The following ANGPT1 variants were observed in gnomAD, a reference collection of about 807,000 sequenced individuals.
ANGPT1 encodes angiopoietin 1, also known as angiopoietin-1.
A neutral mutation model predicts 62.2 loss-of-function variants in ANGPT1; 17 were observed. The ratio of observed to expected loss-of-function variants is 0.27; its 90% CI spans 0.19 to 0.41. The LOEUF (loss-of-function observed/expected upper bound fraction) is 0.41, where lower values mean the gene tolerates loss of function less well. Among genes scored for constraint, ANGPT1 ranks in the 10% least tolerant of loss-of-function variants. The probability of loss-of-function intolerance (pLI) is 1.00; values close to 1 mark genes in which losing one functional copy is unlikely to be tolerated. For synonymous variants in ANGPT1, 199 were observed against 198.9 expected (o/e 1.00, Z 0.00); for missense variants, 478 against 594.9 (o/e 0.80, Z 2.04).
At chr8:107,347,445 T>C (rs1815830721) in intron 1 of ANGPT1, among the ~76,000 whole-genome samples, 1 of 152,130 alleles carries the variant, frequency 6.6e-6, no homozygotes, top group African/African-American at 2.4e-5. Flanking sequence ...AAAAATAGAA[T>C]CAGAGAGGCC....
intron 1 of ANGPT1, among the ~76,000 whole-genome samples, chr8:107,432,092 AGAATT>A (rs1811202627): frequency 6.6e-6 from 1 of 152,122 alleles, no homozygotes; most frequent in South Asian, 2.1e-4. Flanking sequence ...GTGTGACAAA[AGAATT>A]GATATTTGAG....
chr8:107,397,655 G>A (rs958089238), intron 1 of ANGPT1, among the ~76,000 whole-genome samples: 9 of 152,154 alleles, frequency 5.9e-5, no homozygotes, highest in African/African-American at 2.2e-4. Flanking sequence ...GGAGACCGGG[G>A]AAGGTGGTCA....
At chr8:107,342,228 C>G (rs1206316977) in intron 2 of ANGPT1, among the ~76,000 whole-genome samples, 1 of 152,210 alleles carries the variant, frequency 6.6e-6, no homozygotes, top group Non-Finnish European at 1.5e-5. Flanking sequence ...ATATTGCCCT[C>G]AGGCTTGGTG....
At chr8:107,416,547 C>A (rs1810751732) in intron 1 of ANGPT1, among the ~76,000 whole-genome samples, 1 of 152,132 alleles carries the variant, frequency 6.6e-6, no homozygotes, top group African/African-American at 2.4e-5. Flanking sequence ...GTTCTCCGTA[C>A]CCTGTCCTCT....
intron 7 of ANGPT1, among the ~76,000 whole-genome samples, chr8:107,272,697 T>C (rs1462839191): frequency 6.6e-6 from 1 of 151,104 alleles, no homozygotes; most frequent in Non-Finnish European, 1.5e-5. Context: ...CTTTCAATAG[T>C]GCTGACAGAG....
chr8:107,304,501 G>A (rs193028569), intron 4 of ANGPT1, among the ~76,000 whole-genome samples: 31 of 151,520 alleles, frequency 2.0e-4, no homozygotes, highest in African/African-American at 7.2e-4. Context: ...AAATAACAAA[G>A]GCAAACTATG....
intron 1 of ANGPT1, among the ~76,000 whole-genome samples, chr8:107,389,808 T>C (rs970416932): frequency 1.3e-5 from 2 of 152,046 alleles, no homozygotes; most frequent in Non-Finnish European, 2.9e-5. Flanking sequence ...TTTTAGAAAA[T>C]AGTTGTGGCT....
At position 107,249,868 on chromosome 8, in the gene ANGPT1, A is replaced by C. The variant is rs1378606158; in HGVS notation, c.*1987T>G. 6.6e-6 allele frequency: 1 copy of C among 152,588 alleles called. No individual in the cohort carries two copies. Among genetic ancestry groups the C allele is most frequent in the Non-Finnish European group, 1.5e-5 (1 of 68,020 alleles). 9.5% of individuals were successfully genotyped at this position (152,588 alleles called of 1,614,324 possible). On this transcript the variant is annotated 3_prime_UTR_variant, in exon 9 of 9. Transcript: ENST00000517746. ...GTGTCTGTAGGAACACAAAAGGACAAAATACTCATTTTCTTTCCCTTAAAT... is the reference window on the plus strand; with the variant it reads ...GTGTCTGTAGGAACACAAAAGGACACAATACTCATTTTCTTTCCCTTAAAT...
chr8:107,394,395 C>G (rs1050964509), intron 1 of ANGPT1, among the ~76,000 whole-genome samples: 11 of 152,128 alleles, frequency 7.2e-5, no homozygotes, highest in African/African-American at 2.2e-4. Flanking sequence ...TTGCAGAAAG[C>G]CAGCGCCAGT....
intron 4 of ANGPT1, among the ~76,000 whole-genome samples, chr8:107,306,449 A>C (rs1814719829): frequency 6.6e-6 from 1 of 152,106 alleles, no homozygotes; most frequent in Admixed American, 6.6e-5. Flanking sequence ...TTTCAGATGA[A>C]ATTATAAACG....
intron 4 of ANGPT1, among the ~76,000 whole-genome samples, chr8:107,309,849 T>A (rs532759719): frequency 1.4e-4 from 21 of 152,292 alleles, no homozygotes; most frequent in African/African-American, 4.8e-4. Context: ...TGCATGTGTG[T>A]ATGTGTGTGA....
intron 3 of ANGPT1, among the ~76,000 whole-genome samples, chr8:107,334,089 G>A (rs983336913): frequency 3.3e-5 from 5 of 151,876 alleles, no homozygotes; most frequent in African/African-American, 1.2e-4. Flanking sequence ...CAGAGTACCT[G>A]AGTACAAGTG....
intron 3 of ANGPT1, among the ~76,000 whole-genome samples, chr8:107,330,014 C>A (rs375853221): frequency 6.6e-5 from 10 of 151,934 alleles, no homozygotes; most frequent in African/African-American, 2.4e-4. Flanking sequence ...TCTGGTAGAG[C>A]CAGAGACGGA....
At chr8:107,301,540 C>A (rs1814588325) in intron 5 of ANGPT1, among the ~76,000 whole-genome samples, 1 of 151,800 alleles carries the variant, frequency 6.6e-6, no homozygotes, top group Non-Finnish European at 1.5e-5. Context: ...TCCTCATTCC[C>A]AGACTTGCCA....
chr8:107,265,594 C>T (rs1397611436), intron 7 of ANGPT1, among the ~76,000 whole-genome samples: 1 of 152,130 alleles, frequency 6.6e-6, no homozygotes, highest in African/African-American at 2.4e-5. Context: ...CACTGCTTCT[C>T]CATACCAGCA....
At chr8:107,350,517 CT>C (rs760073552) in intron 1 of ANGPT1, among the ~76,000 whole-genome samples, 2 of 151,990 alleles carry the variant, frequency 1.3e-5, no homozygotes, top group African/African-American at 2.4e-5. Context: ...TACTATTGTG[CT>C]TTTTTTAATT....
chr8:107,336,322 CT>C, intron 2 of ANGPT1, 51 bp from the exon 3 acceptor site: 3 of 1,543,468 alleles, frequency 1.9e-6, no homozygotes, highest in Non-Finnish European at 1.7e-6. Context: ...AATCAAAGAA[CT>C]TTTTTAAGTT....
At chr8:107,470,870 T>C (rs1812339114) in intron 1 of ANGPT1, among the ~76,000 whole-genome samples, 1 of 152,122 alleles carries the variant, frequency 6.6e-6, no homozygotes, top group Admixed American at 6.6e-5. Context: ...CCAGTTAGAA[T>C]GGCAATCATA....
chr8:107,463,058 A>T (rs1336840899), intron 1 of ANGPT1, among the ~76,000 whole-genome samples: 1 of 152,148 alleles, frequency 6.6e-6, no homozygotes, highest in Non-Finnish European at 1.5e-5. Flanking sequence ...TCTAATCAAT[A>T]AACTGGTAAA....
Sources: gnomAD v4.1 joint callset for allele counts (sites outside exome capture counted in the v4.1 genomes callset) on GRCh38, gnomAD v4.1.1 for gene constraint, MANE v1.5 for transcripts, NCBI Gene and HGNC (gene_info 2026-07-23, HGNC 2026-07-21) for gene names.